The following DLGAP2 variants were observed in gnomAD, a reference collection of about 807,000 sequenced individuals.
The protein encoded by DLGAP2 is DLG associated protein 2.
A neutral mutation model predicts 100.3 loss-of-function variants in DLGAP2; 26 were observed. That is an observed-to-expected ratio of 0.26 (90% CI 0.19 to 0.36). DLGAP2 has a LOEUF of 0.36. DLGAP2 is among the 10% of genes least tolerant of loss of function. The probability of loss-of-function intolerance (pLI) is 1.00; values close to 1 mark genes in which losing one functional copy is unlikely to be tolerated. For missense variants in DLGAP2, 1,858 were observed against 1,453.2 expected, an observed-to-expected ratio of 1.28 and a Z score of -4.53; for synonymous variants, 886 against 630.1, an observed-to-expected ratio of 1.41 and a Z score of -6.08.
intron 3 of DLGAP2, among the ~76,000 whole-genome samples, chr8:1,317,822 G>A (rs1295499891): frequency 1.4e-5 from 2 of 142,200 alleles, no homozygotes; most frequent in East Asian, 2.1e-4. Context: ...CGAGTGCAGC[G>A]TCTCTCCCAC....
chr8:1,180,746 T>G (rs907007232), intron 2 of DLGAP2, among the ~76,000 whole-genome samples: 1 of 151,484 alleles, frequency 6.6e-6, no homozygotes, highest in African/African-American at 2.4e-5. Context: ...TGAGTCTGTG[T>G]GGGTGTGCCA....
chr8:1,176,761 G>C (rs781544246), intron 2 of DLGAP2, among the ~76,000 whole-genome samples: 1 of 152,126 alleles, frequency 6.6e-6, no homozygotes, highest in Non-Finnish European at 1.5e-5. Flanking sequence ...AGAAGAGATG[G>C]TCACTGGGTC....
At chr8:1,700,599 G>A (rs1314577895) in intron 14 of DLGAP2, among the ~76,000 whole-genome samples, 1 of 150,310 alleles carries the variant, frequency 6.7e-6, no homozygotes, top group Admixed American at 6.6e-5. Flanking sequence ...CTAAGGGTGA[G>A]AAATACTTGC....
At chr8:980,876 G>A (rs1414105820) in intron 2 of DLGAP2, among the ~76,000 whole-genome samples, 2 of 152,224 alleles carry the variant, frequency 1.3e-5, no homozygotes, top group East Asian at 3.9e-4. Flanking sequence ...GGAACGCCTG[G>A]AATTCTAGAC....
intron 2 of DLGAP2, among the ~76,000 whole-genome samples, chr8:954,416 A>G (rs1457251439): frequency 6.6e-6 from 1 of 152,224 alleles, no homozygotes; most frequent in African/African-American, 2.4e-5. Flanking sequence ...TGTGTTCAAA[A>G]TGTTCACGGA....
At chr8:1,245,652 A>T (rs1798887274) in intron 2 of DLGAP2, among the ~76,000 whole-genome samples, 1 of 152,160 alleles carries the variant, frequency 6.6e-6, no homozygotes, top group Non-Finnish European at 1.5e-5. Context: ...TATGTGATTG[A>T]TTGTGGGGAT....
chr8:1,549,015 A>T lies in DLGAP2; in HGVS notation c.562A>T (p.Ile188Phe), dbSNP rs1801658420. ...VAHAGAKINR[I>F]PANLLDQFEK... is the part of the protein sequence containing the mutation. ...CCACGCGGGCGCCAAGATCAACCGCATCCCGGCCAACCTGCTGGACCAGTT... is the reference window on the plus strand; with the variant it reads ...CCACGCGGGCGCCAAGATCAACCGCTTCCCGGCCAACCTGCTGGACCAGTT... Residue 188 changes from isoleucine to phenylalanine, a missense_variant, in exon 5 of 15, where the codon ATC (isoleucine) becomes TTC (phenylalanine). Transcript: ENST00000637795. The T allele has an allele frequency of 1.9e-6, 3 of 1,597,524 alleles. No individual in the cohort carries two copies. The highest frequency in any genetic ancestry group is 1.3e-5 in the African/African-American group (1 of 74,982).
chr8:1,411,346 G>T (rs1203933594), intron 3 of DLGAP2, among the ~76,000 whole-genome samples: 1 of 152,210 alleles, frequency 6.6e-6, no homozygotes, highest in African/African-American at 2.4e-5. Context: ...TGGTTTTGAA[G>T]GCAGGGAATT....
At chr8:1,569,669 G>T (rs1374267177) in intron 6 of DLGAP2, among the ~76,000 whole-genome samples, 1 of 152,218 alleles carries the variant, frequency 6.6e-6, no homozygotes, top group Non-Finnish European at 1.5e-5. Context: ...AAGCTCTCAT[G>T]ATGCCTGTTT....
intron 5 of DLGAP2, among the ~76,000 whole-genome samples, chr8:1,561,692 C>T (rs1423110514): frequency 6.6e-6 from 1 of 151,136 alleles, no homozygotes; most frequent in Non-Finnish European, 1.5e-5. Flanking sequence ...GTCCGCGCCT[C>T]GTTACTGGGG....
At chr8:1,661,279 C>T (rs1022841201) in intron 8 of DLGAP2, among the ~76,000 whole-genome samples, 1 of 152,170 alleles carries the variant, frequency 6.6e-6, no homozygotes, top group East Asian at 1.9e-4. Context: ...GGGCTGCAGA[C>T]CTGTGTGGTG....
At chr8:1,069,304 G>A (rs1040972472) in intron 2 of DLGAP2, among the ~76,000 whole-genome samples, 1 of 152,266 alleles carries the variant, frequency 6.6e-6, no homozygotes, top group East Asian at 1.9e-4. Flanking sequence ...CCCTGGACAG[G>A]TCGCGAGGAG....
chr8:1,023,553 T>C (rs6990062), intron 2 of DLGAP2, among the ~76,000 whole-genome samples: 3,464 of 151,812 alleles, frequency 0.023, 127 homozygotes, highest in African/African-American at 0.079. Context: ...ATGACCTTTG[T>C]GTGTGTGAAC....
chr8:1,661,938 G>T (rs1178518809), intron 8 of DLGAP2, among the ~76,000 whole-genome samples: 1 of 152,224 alleles, frequency 6.6e-6, no homozygotes, highest in Non-Finnish European at 1.5e-5. Context: ...GTGAGCCTGG[G>T]TGCTCTGCCA....
At chr8:1,216,107 G>C (rs1054412216) in intron 2 of DLGAP2, among the ~76,000 whole-genome samples, 1 of 152,214 alleles carries the variant, frequency 6.6e-6, no homozygotes, top group Non-Finnish European at 1.5e-5. Flanking sequence ...AGGAGGTTCT[G>C]TTTTCTCAGT....
At chr8:915,364 G>A (rs940959063) in intron 2 of DLGAP2, among the ~76,000 whole-genome samples, 1 of 152,130 alleles carries the variant, frequency 6.6e-6, no homozygotes, top group Non-Finnish European at 1.5e-5. Flanking sequence ...TGGCTAACAC[G>A]GTGAAACCCG....
intron 3 of DLGAP2, among the ~76,000 whole-genome samples, chr8:1,419,860 C>G (rs946898936): frequency 6.6e-6 from 1 of 152,086 alleles, no homozygotes; most frequent in Non-Finnish European, 1.5e-5. Flanking sequence ...AGTGTACAGC[C>G]AAAAGAAATG....
chr8:1,389,804 C>T (rs899420058), intron 3 of DLGAP2, among the ~76,000 whole-genome samples: 5 of 152,082 alleles, frequency 3.3e-5, no homozygotes, highest in African/African-American at 7.2e-5. Flanking sequence ...AGCGAGCCTT[C>T]CCTGCAAGGA....
intron 2 of DLGAP2, among the ~76,000 whole-genome samples, chr8:941,224 A>G (rs773369982): frequency 3.3e-5 from 5 of 152,106 alleles, no homozygotes; most frequent in Non-Finnish European, 5.9e-5. Context: ...TAGTGACCAG[A>G]CAGACACAGC....
Sources: allele counts gnomAD v4.1 joint callset (sites outside exome capture counted in the v4.1 genomes callset), GRCh38; gene constraint gnomAD v4.1.1; transcripts MANE v1.5; gene names NCBI Gene and HGNC (gene_info 2026-07-23, HGNC 2026-07-21).